The following OPCML variants were observed in gnomAD, a reference collection of about 807,000 sequenced individuals.
OPCML encodes the protein opioid binding protein/cell adhesion molecule like, also known as opioid-binding protein/cell adhesion molecule.
OPCML carries 13 observed loss-of-function variants against 37.8 expected under a neutral mutation model. The observed-to-expected ratio is 0.34, with a 90% CI of 0.22 to 0.55. The LOEUF is 0.55. Ranked by LOEUF, OPCML falls within the 20% of genes least tolerant of loss-of-function variation. The pLI is 0.91. For synonymous variants in OPCML, 176 were observed against 168.8 expected (o/e 1.04, Z -0.33); for missense variants, 341 against 435.6 (o/e 0.78, Z 1.93).
chr11:133,094,228 T>A (rs1948962743), intron 1 of OPCML, among the ~76,000 whole-genome samples: 1 of 152,178 alleles, frequency 6.6e-6, no homozygotes, highest in Non-Finnish European at 1.5e-5. Context: ...AAAAAAATGG[T>A]ATATGTTTGA....
rs570904583 is a variant in OPCML at position 133,331,067 on chromosome 11, A to G, written c.61+201197T>C. On this transcript the variant is annotated intron_variant, in intron 1 of 7. Transcript: ENST00000524381. ...TACAATTGGTGTAGATAAAGTGAGG[A>G]TCCAGGAGTAAAACTGGAAGAGAAA... Among the ~76,000 whole-genome samples, 9 of 151,890 alleles carry G rather than the reference A, an allele frequency of 5.9e-5. No individual in the cohort carries two copies. In the South Asian group the frequency reaches 1.9e-3, roughly 32 times the overall value.
In OPCML at chr11:132,568,024, CTG is replaced by C. The variant is rs549824512; in HGVS notation, c.380-38840_380-38839del. The stretch of plus-strand genomic sequence containing the variant: ...AAAGGGGTCCCTGGACCGAATAGAT[CTG>C]TGTGTGTGTGTGTGTGCGCGCGCGC... On this transcript the variant is annotated intron_variant, in intron 3 of 7. Coordinates refer to ENST00000524381, the MANE Select transcript of OPCML (RefSeq NM_001012393.5). 5.7e-4 allele frequency among the ~76,000 whole-genome samples: 84 copies of C among 147,932 alleles called. No homozygotes were observed. In the South Asian group the frequency reaches 0.011, roughly 19 times the overall value.
chr11:133,283,631 C>CTAACTGTTCTTGG (rs1942221360), intron 1 of OPCML, among the ~76,000 whole-genome samples: 1 of 152,170 alleles, frequency 6.6e-6, no homozygotes, highest in Non-Finnish European at 1.5e-5. Flanking sequence ...AGTTAACATT[C>CTAACTGTTCTTGG]TAACTGTTCT....
intron 4 of OPCML, among the ~76,000 whole-genome samples, chr11:132,457,786 G>A (rs1592204481): frequency 6.6e-6 from 1 of 152,302 alleles, no homozygotes; most frequent in East Asian, 1.9e-4. Flanking sequence ...AGCCCTCTGG[G>A]GAACTGAGGC....
At chr11:132,781,956 T>TATATATATA (rs60530108) in intron 2 of OPCML, among the ~76,000 whole-genome samples, 18 of 50,912 alleles carry the variant, frequency 3.5e-4, no homozygotes, top group African/African-American at 9.1e-4. Context: ...ATATATATAT[T>TATATATATA]TTTTTTTTTT....
At chr11:133,247,617 T>A (rs983327816) in intron 1 of OPCML, among the ~76,000 whole-genome samples, 1 of 151,488 alleles carries the variant, frequency 6.6e-6, no homozygotes, top group Non-Finnish European at 1.5e-5. Flanking sequence ...CTTTCTTTTT[T>A]TTTTGAGGCT....
intron 1 of OPCML, among the ~76,000 whole-genome samples, chr11:133,440,338 G>C (rs1465638379): frequency 6.6e-6 from 1 of 151,142 alleles, no homozygotes; most frequent in African/African-American, 2.4e-5. Context: ...GGCATAGGTT[G>C]CGGTGAGCCA....
At chr11:132,725,997 A>G (rs955859550) in intron 2 of OPCML, among the ~76,000 whole-genome samples, 1 of 152,094 alleles carries the variant, frequency 6.6e-6, no homozygotes, top group Non-Finnish European at 1.5e-5. Context: ...TGCTATCAAC[A>G]TTTTGGGCAA....
At chr11:132,931,751 T>C (rs1462327695) in intron 2 of OPCML, among the ~76,000 whole-genome samples, 2 of 152,166 alleles carry the variant, frequency 1.3e-5, no homozygotes, top group Admixed American at 6.5e-5. Context: ...CTGCGTGGCG[T>C]TTCCTCAAAA....
At chr11:133,425,075 T>C (rs931591309) in intron 1 of OPCML, among the ~76,000 whole-genome samples, 1 of 152,202 alleles carries the variant, frequency 6.6e-6, no homozygotes, top group Non-Finnish European at 1.5e-5. Context: ...GTAAATAGCT[T>C]CCTTCTTAGA....
chr11:133,091,702 T>C (rs1017499803), intron 1 of OPCML, among the ~76,000 whole-genome samples: 1 of 152,152 alleles, frequency 6.6e-6, no homozygotes, highest in African/African-American at 2.4e-5. Flanking sequence ...CCTCCCACCA[T>C]GGTATTTCAA....
At chr11:132,533,968 C>T (rs1011989049) in intron 3 of OPCML, among the ~76,000 whole-genome samples, 2 of 152,150 alleles carry the variant, frequency 1.3e-5, no homozygotes, top group Non-Finnish European at 2.9e-5. Context: ...CTATTATACA[C>T]ACAATGACTG....
At chr11:133,511,979 A>C (rs1203241353) in intron 1 of OPCML, among the ~76,000 whole-genome samples, 2 of 151,944 alleles carry the variant, frequency 1.3e-5, no homozygotes, top group Admixed American at 6.6e-5. Flanking sequence ...TCTTTTTCCT[A>C]CTCTCACAGA....
At chr11:133,496,305 T>A (rs957367571) in intron 1 of OPCML, among the ~76,000 whole-genome samples, 27 of 152,210 alleles carry the variant, frequency 1.8e-4, no homozygotes, top group African/African-American at 6.5e-4. Flanking sequence ...GACTATGGCC[T>A]AATAGTACAG....
At chr11:132,447,787 A>G (rs951731726) in intron 4 of OPCML, among the ~76,000 whole-genome samples, 20 of 152,234 alleles carry the variant, frequency 1.3e-4, no homozygotes, top group Non-Finnish European at 2.8e-4. Flanking sequence ...AACCTTCTTA[A>G]GAGAGGCAGT....
chr11:133,411,598 A>G (rs1261537865), intron 1 of OPCML, among the ~76,000 whole-genome samples: 2 of 152,152 alleles, frequency 1.3e-5, no homozygotes, highest in East Asian at 1.9e-4. Flanking sequence ...AGCAGTCTTC[A>G]TGGCTTTCTC....
chr11:132,810,979 C>G (rs1939307194), intron 2 of OPCML, among the ~76,000 whole-genome samples: 4 of 152,150 alleles, frequency 2.6e-5, no homozygotes, highest in Admixed American at 2.6e-4. Flanking sequence ...GGCATTCAGT[C>G]CAGTGTGTAA....
intron 2 of OPCML, among the ~76,000 whole-genome samples, chr11:132,828,884 G>A (rs1273905723): frequency 6.6e-6 from 1 of 152,178 alleles, no homozygotes; most frequent in Non-Finnish European, 1.5e-5. Context: ...GCCGTGGGCT[G>A]GACACTGTGG....
chr11:132,894,253 T>G (rs1398060797), intron 2 of OPCML, among the ~76,000 whole-genome samples: 1 of 152,338 alleles, frequency 6.6e-6, no homozygotes, highest in South Asian at 2.1e-4. Context: ...TTCTTTGGAC[T>G]ATTTCCTCCT....
Sources: allele counts gnomAD v4.1 joint callset (sites outside exome capture counted in the v4.1 genomes callset), GRCh38; gene constraint gnomAD v4.1.1; transcripts MANE v1.5; gene names NCBI Gene and HGNC (gene_info 2026-07-23, HGNC 2026-07-21).